GALNT9: variants seen among roughly 807,000 people sequenced by gnomAD.
GALNT9 encodes polypeptide N-acetylgalactosaminyltransferase 9, also known as GalNAc transferase 9.
GALNT9 carries 47 observed loss-of-function variants against 63.1 expected under a neutral mutation model. The ratio of observed to expected loss-of-function variants is 0.75; its 90% CI spans 0.59 to 0.95. The LOEUF is 0.95. Ranked by LOEUF, GALNT9 falls within the 40% of genes least tolerant of loss-of-function variation. GALNT9 has a pLI of 0.00. For missense variants in GALNT9, 829 were observed against 874.8 expected (o/e 0.95, Z 0.66); for synonymous variants, 396 against 365.7 (o/e 1.08, Z -0.94).
At chr12:132,321,322 C>T (rs1458409992) in intron 1 of GALNT9, among the ~76,000 whole-genome samples, 1 of 152,318 alleles carries the variant, frequency 6.6e-6, no homozygotes, top group East Asian at 1.9e-4. Flanking sequence ...GGTTTCCCGT[C>T]TGCTAATGAG....
intron 2 of GALNT9, chr12:132,273,054 G>T (rs1489348715): frequency 6.6e-6 from 1 of 152,326 alleles, no homozygotes; most frequent in African/African-American, 2.4e-5. Flanking sequence ...GCCAGGCTGT[G>T]TCTGTTCTAT....
At chr12:132,267,887 A>G (rs1284473310) in intron 2 of GALNT9, among the ~76,000 whole-genome samples, 3 of 145,042 alleles carry the variant, frequency 2.1e-5, no homozygotes, top group Non-Finnish European at 3.0e-5. Context: ...ACATGCACTC[A>G]CACGCACACA....
chr12:132,210,404 G>A (rs1876904244), intron 6 of GALNT9, among the ~76,000 whole-genome samples: 1 of 152,220 alleles, frequency 6.6e-6, no homozygotes, highest in African/African-American at 2.4e-5. Context: ...GGAAGCGCTG[G>A]GGACATGCGG....
intron 6 of GALNT9, among the ~76,000 whole-genome samples, chr12:132,215,065 C>T (rs183950864): frequency 1.3e-3 from 192 of 152,372 alleles, no homozygotes; most frequent in African/African-American, 4.3e-3. Flanking sequence ...TCACCTGCCA[C>T]GCTGTCCTGC....
chr12:132,273,854 C>T (rs1349209607), intron 2 of GALNT9: 1 of 152,288 alleles, frequency 6.6e-6, no homozygotes, highest in Admixed American at 6.5e-5. Flanking sequence ...ACAGGGCGCC[C>T]CTCCCAGGGC....
At chr12:132,290,325 C>T (rs1057288573) in intron 1 of GALNT9, among the ~76,000 whole-genome samples, 14 of 152,168 alleles carry the variant, frequency 9.2e-5, no homozygotes, top group Non-Finnish European at 2.1e-4. Context: ...GCGGACCGGC[C>T]AAGCCACGGA....
Position 132,329,231 on chromosome 12 carries a change from C to T in GALNT9, c.-28G>A. On this transcript the variant is annotated 5_prime_UTR_variant, in exon 1 of 11. Coordinates refer to ENST00000328957, the MANE Select transcript of GALNT9 (RefSeq NM_001122636.2). ...ACACGGCTGCAGCGGGGGCCTCACCCGCGGGGCATCCCCAGCATCCCCGCC... is the reference window on the plus strand; with the variant it reads ...ACACGGCTGCAGCGGGGGCCTCACCTGCGGGGCATCCCCAGCATCCCCGCC... 6 of 1,529,462 alleles carry T rather than the reference C, an allele frequency of 3.9e-6. No homozygotes were observed. Among genetic ancestry groups the T allele is most frequent in the Non-Finnish European group, 5.3e-6 (6 of 1,132,332 alleles). 94.7% of individuals were successfully genotyped at this position (1,529,462 alleles called of 1,614,324 possible).
chr12:132,225,752 ACAACCCACAC>A (rs1877648194), intron 6 of GALNT9, among the ~76,000 whole-genome samples: 1 of 137,216 alleles, frequency 7.3e-6, no homozygotes, highest in Non-Finnish European at 1.5e-5. Flanking sequence ...CACACCCCCC[ACAACCCACAC>A]TACACACGCT....
At chr12:132,203,479 C>G in intron 7 of GALNT9, 26 bp downstream of exon 7, 17 of 1,610,442 alleles carry the variant, frequency 1.1e-5, no homozygotes, top group Non-Finnish European at 1.4e-5. Flanking sequence ...GGCATGGCCC[C>G]GGCTCCCGGC....
At chr12:132,281,685 C>A (rs1880348960) in intron 2 of GALNT9, among the ~76,000 whole-genome samples, 1 of 152,206 alleles carries the variant, frequency 6.6e-6, no homozygotes, top group Non-Finnish European at 1.5e-5. Context: ...TTTATCTTGG[C>A]AGACAGGTTT....
Position 132,296,149 on chromosome 12 carries a change from C to T in GALNT9, c.239-9719G>A, listed in dbSNP as rs1368904261. ...AACAGGGAGAGCCTCTGAACAGGGA[C>T]GGCCTCCGAACAGGGAGAGCCTCCG... On this transcript the variant is annotated intron_variant, in intron 1 of 10. Coordinates refer to ENST00000328957, the MANE Select transcript of GALNT9 (RefSeq NM_001122636.2). This position sits in a 1 kb window ranked among gnomAD's most constrained non-coding sequence, Gnocchi z 4.2. 5.3e-5 allele frequency among the ~76,000 whole-genome samples: 8 copies of T among 149,546 alleles called. No homozygotes were observed. Among genetic ancestry groups the T allele is most frequent in the African/African-American group, 1.5e-4 (6 of 40,530 alleles).
chr12:132,256,375 T>G (rs1307759388), intron 5 of GALNT9, among the ~76,000 whole-genome samples: 5 of 151,930 alleles, frequency 3.3e-5, no homozygotes, highest in Non-Finnish European at 7.4e-5. Flanking sequence ...GGTCCACTCC[T>G]CCCTGTTTCT....
chr12:132,198,427 C>CTGGGGCT (rs1875711625), intron 9 of GALNT9, among the ~76,000 whole-genome samples: 2 of 151,136 alleles, frequency 1.3e-5, no homozygotes, highest in African/African-American at 4.9e-5. Flanking sequence ...TGTGATTCTG[C>CTGGGGCT]GGGGCTGGGG....
rs191523700 is a variant in GALNT9 at position 132,304,627 on chromosome 12, A to G, written c.239-18197T>C. Among the ~76,000 whole-genome samples, 63 of 18,310 alleles carry G rather than the reference A, an allele frequency of 3.4e-3. 3 individuals are homozygous for G. Among genetic ancestry groups the G allele is most frequent in the Admixed American group, 6.0e-3 (9 of 1,494 alleles). 12.0% of individuals were successfully genotyped at this position (18,310 alleles called of 152,430 possible). A position where few individuals can be genotyped will look rare whatever the true frequency, so the allele number is the denominator to read the frequency against. The stretch of plus-strand genomic sequence containing the variant: ...CACAGCCTCACCCGGGCACAGCCTC[A>G]CCGGGGCACACCCTCGCCCGGACAC... On this transcript the variant is annotated intron_variant, in intron 1 of 10. Coordinates refer to ENST00000328957, the MANE Select transcript of GALNT9 (RefSeq NM_001122636.2).
At chr12:132,247,067 G>A (rs1384129200) in intron 6 of GALNT9, among the ~76,000 whole-genome samples, 3 of 152,152 alleles carry the variant, frequency 2.0e-5, no homozygotes, top group Admixed American at 2.0e-4. Flanking sequence ...GAAACCAAAC[G>A]AAACTCCAAA....
At chr12:132,306,487 C>T (rs530834269) in intron 1 of GALNT9, among the ~76,000 whole-genome samples, 11 of 152,256 alleles carry the variant, frequency 7.2e-5, no homozygotes, top group Admixed American at 4.6e-4. Context: ...GCGGGCAGAG[C>T]GGGGGTCTAG....
At position 132,246,567 on chromosome 12, in the gene GALNT9, CTG is replaced by C. The variant is rs1565998499; in HGVS notation, c.1077+1341_1077+1342del. The stretch of plus-strand genomic sequence containing the variant: ...ATATTTTTTGAAATGGAGTCTCACT[CTG>C]TCACCCAGGCTGGAGTGCAGTGATG... On this transcript the variant is annotated intron_variant, in intron 6 of 10. Transcript: ENST00000328957. This position sits in a 1 kb window ranked among gnomAD's most constrained non-coding sequence, Gnocchi z 4.7. Among the ~76,000 whole-genome samples, 1 of 152,208 alleles carries C rather than the reference CTG, an allele frequency of 6.6e-6. No homozygotes were observed. Among genetic ancestry groups the C allele is most frequent in the East Asian group, 1.9e-4 (1 of 5,200 alleles).
rs370947501 is a variant in GALNT9 at position 132,197,142 on chromosome 12, T to C, written c.1777A>G (p.Met593Val). The C allele has an allele frequency of 7.4e-6, 12 of 1,614,032 alleles. No individual in the cohort carries two copies. In the African/African-American group the frequency reaches 1.6e-4, roughly 22 times the overall value. ...VVQRCSGQKW[M>V]IRNWIKHARH ...GCGTGTTTGATCCAGTTTCTGATCA[T>C]CCACTTCTGCCCCGAGCACCTCTGT... is the stretch of plus-strand genomic sequence containing the variant. The change falls in exon 11 of 11, where the codon ATG (methionine) becomes GTG (valine). Residue 593 changes from methionine to valine, a missense_variant. Coordinates refer to ENST00000328957, the MANE Select transcript of GALNT9 (RefSeq NM_001122636.2).
chr12:132,225,670 TC>T (rs1877643337), intron 6 of GALNT9, among the ~76,000 whole-genome samples: 1 of 56,526 alleles, frequency 1.8e-5, no homozygotes. Context: ...ACACACACAC[TC>T]CACACACTGT....
Sources: allele counts gnomAD v4.1 joint callset (sites outside exome capture counted in the v4.1 genomes callset), GRCh38; gene constraint gnomAD v4.1.1; non-coding constraint Gnocchi (gnomAD v3.1); transcripts MANE v1.5; gene names NCBI Gene and HGNC (gene_info 2026-07-23, HGNC 2026-07-21).